Variants in SAMD3 observed in about 807,000 individuals in gnomAD.
The protein encoded by SAMD3 is sterile alpha motif domain-containing protein 3.
A neutral mutation model predicts 58.5 loss-of-function variants in SAMD3; 63 were observed. The observed-to-expected ratio is 1.08, with a 90% confidence interval of 0.88 to 1.33. SAMD3 has a LOEUF of 1.33. SAMD3 is among the 40% of genes most tolerant of loss of function. The pLI is 0.00. For synonymous variants in SAMD3, 220 were observed against 210.3 expected (o/e 1.05, Z -0.40); for missense variants, 604 against 608.4 (o/e 0.99, Z 0.08).
chr6:130,277,391 A>G (rs1774813058), intron 2 of SAMD3, among the ~76,000 whole-genome samples: 1 of 152,256 alleles, frequency 6.6e-6, no homozygotes, highest in Non-Finnish European at 1.5e-5. Flanking sequence ...GCTAGAAGCA[A>G]GATGGAGTCA....
intron 5 of SAMD3, among the ~76,000 whole-genome samples, chr6:130,187,359 C>A (rs1793098382): frequency 6.6e-6 from 1 of 150,884 alleles, no homozygotes; most frequent in Admixed American, 6.6e-5. Flanking sequence ...GGTATTATTT[C>A]TATCAAACAT....
intron 2 of SAMD3, among the ~76,000 whole-genome samples, chr6:130,296,837 T>G (rs983734926): frequency 1.2e-4 from 19 of 152,144 alleles, no homozygotes; most frequent in Non-Finnish European, 2.4e-4. Context: ...AAGGTCAGTC[T>G]TTATGAAATA....
chr6:130,153,670 T>A (rs371132843), intron 9 of SAMD3, among the ~76,000 whole-genome samples: 5,143 of 67,800 alleles, frequency 0.076, 147 homozygotes, highest in Non-Finnish European at 0.12. Flanking sequence ...ATATATTTAT[T>A]TATTTATTTA....
At chr6:130,293,370 C>T (rs559221266) in intron 2 of SAMD3, among the ~76,000 whole-genome samples, 1 of 152,252 alleles carries the variant, frequency 6.6e-6, no homozygotes, top group South Asian at 2.1e-4. Flanking sequence ...GTATCCTTGA[C>T]CCACAATGTA....
chr6:130,286,750 C>T (rs975226292), intron 2 of SAMD3, among the ~76,000 whole-genome samples: 3 of 152,124 alleles, frequency 2.0e-5, no homozygotes, highest in African/African-American at 2.4e-5. Flanking sequence ...CTTGCTCTGT[C>T]GCCCAGGCTG....
At chr6:130,300,679 A>G (rs1184800307) in intron 2 of SAMD3, among the ~76,000 whole-genome samples, 1 of 152,202 alleles carries the variant, frequency 6.6e-6, no homozygotes, top group Non-Finnish European at 1.5e-5. Context: ...GAAAAGAGAA[A>G]GTCAAATTAT....
At chr6:130,237,241 A>C (rs1172184935) in intron 2 of SAMD3, among the ~76,000 whole-genome samples, 1 of 152,198 alleles carries the variant, frequency 6.6e-6, no homozygotes, top group East Asian at 1.9e-4. Context: ...TTTCACAAGA[A>C]ATATGTCTCA....
intron 2 of SAMD3, among the ~76,000 whole-genome samples, chr6:130,309,229 T>C (rs925671937): frequency 6.6e-6 from 1 of 152,168 alleles, no homozygotes; most frequent in African/African-American, 2.4e-5. Context: ...CTACTTACAA[T>C]GTGGGGAAAC....
chr6:130,239,667 C>T (rs1239541814), intron 2 of SAMD3, among the ~76,000 whole-genome samples: 2 of 152,106 alleles, frequency 1.3e-5, no homozygotes, highest in African/African-American at 4.8e-5. Context: ...TGAGGTATCA[C>T]AGTAAGTGAG....
intron 1 of SAMD3, among the ~76,000 whole-genome samples, chr6:130,327,352 C>G (rs1776791342): frequency 6.6e-6 from 1 of 152,094 alleles, no homozygotes; most frequent in Non-Finnish European, 1.5e-5. Context: ...TAGAACTGAA[C>G]TAAATTGAAT....
rs562412020 is a variant in SAMD3, at chr6:130,151,310, G to T, written c.1023+3515C>A. 2.2e-4 allele frequency among the ~76,000 whole-genome samples: 33 copies of T among 152,062 alleles called. 2 individuals carry two copies. Among genetic ancestry groups the T allele is most frequent in the African/African-American group, 8.0e-4 (33 of 41,480 alleles). On this transcript the variant is annotated intron_variant, in intron 9 of 11. Transcript: ENST00000439090. ...GGTCCTGCATTGCCTGTACCTTAAT[G>T]CCTGAGTGCAGTTGCCTCATACATA...
chr6:130,272,730 T>G (rs541244722), intron 2 of SAMD3, among the ~76,000 whole-genome samples: 1 of 152,264 alleles, frequency 6.6e-6, no homozygotes, highest in African/African-American at 2.4e-5. Flanking sequence ...TTTTATTTGA[T>G]ATGAAGTCTT....
intron 2 of SAMD3, among the ~76,000 whole-genome samples, chr6:130,292,192 C>A (rs1385501591): frequency 6.6e-6 from 1 of 151,810 alleles, no homozygotes; most frequent in African/African-American, 2.4e-5. Flanking sequence ...TAGATTTTCA[C>A]ATTTTGAACT....
chr6:130,216,273 T>A (rs1208003657), intron 2 of SAMD3, among the ~76,000 whole-genome samples: 1 of 152,088 alleles, frequency 6.6e-6, no homozygotes, highest in Non-Finnish European at 1.5e-5. Flanking sequence ...GGGATTGAAA[T>A]AAATTTAAAA....
Position 130,144,467 on chromosome 6 carries a change from A to T in SAMD3, c.*53T>A. On this transcript the variant is annotated 3_prime_UTR_variant, in exon 12 of 12. Transcript: ENST00000439090. ...CAACCCTAAATCAAAACAATTTCTT[A>T]TGAAGCTTCAGTTTTCCCAGAGGTA... 6.5e-7 allele frequency: 1 copy of T among 1,545,904 alleles called. No homozygotes were observed.
rs901613463 is a variant in SAMD3, at chr6:130,254,150, G to A, written c.-187-31337C>T. 5.4e-5 allele frequency among the ~76,000 whole-genome samples: 8 copies of A among 149,254 alleles called. No individual in the cohort carries two copies. The East Asian group carries it at 5.9e-4, about 11-fold the overall frequency. ...TGGGACTACAAGTGTGTGCCACTAC[G>A]CTCAGCTAACTTTTTGTATTTTTAT... On this transcript the variant is annotated intron_variant, in intron 2 of 13. Coordinates refer to the SAMD3 transcript ENST00000368134.
rs994769963 is a variant in SAMD3 at position 130,353,696 on chromosome 6, G to A, written c.-304+11424C>T. ...CAAATACACTATTTTAGGGAGCAAA[G>A]GGACAAAGGGAAGAGTAGAAGACAA... On this transcript the variant is annotated intron_variant, in intron 1 of 13. Transcript: ENST00000368134. Among the ~76,000 whole-genome samples the A allele has an allele frequency of 2.6e-5, 4 of 152,182 alleles. No homozygotes were observed. In the East Asian group the frequency reaches 7.7e-4, roughly 29 times the overall value.
intron 2 of SAMD3, among the ~76,000 whole-genome samples, chr6:130,296,894 A>T (rs896347140): frequency 8.5e-5 from 13 of 152,118 alleles, no homozygotes; most frequent in African/African-American, 3.1e-4. Context: ...AGTGGATCAC[A>T]TTCCTGCCAA....
chr6:130,271,351 G>A (rs1462047794), intron 2 of SAMD3, among the ~76,000 whole-genome samples: 1 of 152,082 alleles, frequency 6.6e-6, no homozygotes, highest in Admixed American at 6.6e-5. Context: ...CCCTATCCCT[G>A]TGTACTATCA....
Sources: gnomAD v4.1 joint callset for allele counts (sites outside exome capture counted in the v4.1 genomes callset) on GRCh38, gnomAD v4.1.1 for gene constraint, MANE v1.5 for transcripts, NCBI Gene and HGNC (gene_info 2026-07-23, HGNC 2026-07-21) for gene names.